Variants in PRMT2 observed in about 807,000 individuals in gnomAD.
PRMT2 encodes protein arginine methyltransferase 2.
In PRMT2, 26 loss-of-function variants were observed where a neutral mutation model predicts 57.6. The ratio of observed to expected loss-of-function variants is 0.45; its 90% confidence interval spans 0.33 to 0.63. The LOEUF (loss-of-function observed/expected upper bound fraction) is 0.63, where lower values mean the gene tolerates loss of function less well. PRMT2 is among the 20% of genes least tolerant of loss of function. The pLI is 0.02. For missense variants in PRMT2, 472 were observed against 564.4 expected (o/e 0.84, Z 1.66); for synonymous variants, 219 against 220.0 (o/e 1.00, Z 0.04).
intron 10 of PRMT2, among the ~76,000 whole-genome samples, chr21:46,662,481 G>T (rs115601435): frequency 6.6e-6 from 1 of 152,200 alleles, no homozygotes; most frequent in Non-Finnish European, 1.5e-5. Context: ...CAGGGAGGTC[G>T]CAGAGGTGCG....
chr21:46,662,233 C>T (rs1209867148), intron 10 of PRMT2, among the ~76,000 whole-genome samples: 4 of 152,218 alleles, frequency 2.6e-5, no homozygotes, highest in African/African-American at 9.7e-5. Context: ...GCGAGGAGCA[C>T]CACAGCTCTT....
Position 46,660,940 on chromosome 21 carries a change from C to T in PRMT2, c.938C>T (p.Thr313Ile), listed in dbSNP as rs2061610694. The part of the protein sequence containing the change: ...PCTILQLDMR[T>I]VQISDLETLR... ...ACTATATTGCAGTTGGACATGAGAA[C>T]CGTGCAAATTTCTGATCTAGAGGTG... is the stretch of plus-strand genomic sequence containing the variant. The change falls in exon 9 of 12, where the codon ACC becomes ATC. Residue 313 changes from threonine (T) to isoleucine (I), a missense_variant. Physicochemically the swap from Thr to Ile is moderately conservative, Grantham distance 89. Coordinates refer to ENST00000355680, the MANE Select transcript of PRMT2 (RefSeq NM_206962.4). The T allele has an allele frequency of 2.5e-6, 4 of 1,613,158 alleles. No individual in the cohort carries two copies. Among genetic ancestry groups the T allele is most frequent in the Non-Finnish European group, 3.4e-6 (4 of 1,179,446 alleles).
intron 3 of PRMT2, among the ~76,000 whole-genome samples, chr21:46,641,623 T>G (rs1601917699): frequency 1.3e-5 from 2 of 150,928 alleles, no homozygotes; most frequent in Non-Finnish European, 1.5e-5. Context: ...ACTGGGGAGG[T>G]GGAGGTTGCA....
At chr21:46,659,180 A>G (rs373521592) in intron 8 of PRMT2, 1 of 1,208,076 alleles carries the variant, frequency 8.3e-7, no homozygotes, top group African/African-American at 1.6e-5. Context: ...ATTAGGAGGG[A>G]GTGAGGGCCA....
At chr21:46,653,944 T>TC in intron 7 of PRMT2, 1 of 1,020,494 alleles carries the variant, frequency 9.8e-7, no homozygotes, top group Non-Finnish European at 1.2e-6. Flanking sequence ...TTGTTTTTTT[T>TC]TTTTTTTGGC....
chr21:46,658,660 C>G, intron 7 of PRMT2, 85 bp from the exon 8 acceptor site: 2 of 1,563,926 alleles, frequency 1.3e-6, no homozygotes, highest in Non-Finnish European at 1.7e-6. Context: ...AACTGTCAGA[C>G]TAGTGTTACG....
In PRMT2 at chr21:46,664,451, C is replaced by G. The variant is rs569839476; in HGVS notation, c.*124C>G. The G allele has an allele frequency of 1.6e-6, 2 of 1,252,982 alleles. No individual in the cohort carries two copies. Among genetic ancestry groups the G allele is most frequent in the East Asian group, 2.3e-5 (1 of 42,632 alleles). The allele number at this position is 1,252,982 out of a possible 1,614,324, so 77.6% of individuals were successfully genotyped here. Reference sequence around the variant, plus strand: ...TCGGTGAACATTCACTCCACATTGACCCCTCCCTAGCCTGGCAGGTGACGT... The same window carrying G: ...TCGGTGAACATTCACTCCACATTGAGCCCTCCCTAGCCTGGCAGGTGACGT... On this transcript the variant is annotated 3_prime_UTR_variant, in exon 12 of 12. Coordinates refer to ENST00000355680, the MANE Select transcript of PRMT2 (RefSeq NM_206962.4).
chr21:46,643,984 G>C (rs1049143125), intron 4 of PRMT2, among the ~76,000 whole-genome samples: 12 of 152,200 alleles, frequency 7.9e-5, no homozygotes, highest in African/African-American at 2.7e-4. Flanking sequence ...GAATTTCTTA[G>C]AGTCAGCCTC....
At chr21:46,651,523 G>A (rs1317323581) in intron 7 of PRMT2, among the ~76,000 whole-genome samples, 1 of 152,092 alleles carries the variant, frequency 6.6e-6, no homozygotes, top group African/African-American at 2.4e-5. Context: ...AGTCAGACAG[G>A]ACCATGTGGT....
intron 7 of PRMT2, chr21:46,652,536 T>C: frequency 2.0e-6 from 2 of 985,452 alleles, no homozygotes; most frequent in Non-Finnish European, 2.4e-6. Context: ...AAAGTAACTG[T>C]AATAGTTTTG....
rs751762261 is a variant in PRMT2, at chr21:46,658,900, G to A, written c.810G>A (p.Glu270=). 3.0e-5 allele frequency: 48 copies of A among 1,613,978 alleles called. No homozygotes were observed. Among genetic ancestry groups the A allele is most frequent in the Non-Finnish European group, 4.0e-5 (47 of 1,179,968 alleles). Residue 270 remains glutamate (E), a synonymous_variant, in exon 8 of 12, where the codon GAG becomes GAA. Transcript: ENST00000355680. ...TGCTCTTCTGGGACAACGCGTACGA[G>A]TTCAACCTCAGCGCTCTGAAGTAAG... The part of the protein sequence containing the change: ...SKVLFWDNAY[E]FNLSALKSLA...
intron 7 of PRMT2, chr21:46,653,032 A>G: frequency 8.8e-7 from 1 of 1,139,876 alleles, no homozygotes. Flanking sequence ...AAAGACTGCC[A>G]GACTCAGTCT....
rs576309057 is a variant in PRMT2, at chr21:46,664,202, G to A, written c.1270-93G>A. The A allele has an allele frequency of 1.7e-5, 19 of 1,149,238 alleles. No homozygotes were observed. The Middle Eastern group carries it at 6.0e-4, about 37-fold the overall frequency. The allele number at this position is 1,149,238 out of a possible 1,614,324, so 71.2% of individuals were successfully genotyped here. A position where few individuals can be genotyped will look rare whatever the true frequency, so the allele number is the denominator to read the frequency against. The stretch of plus-strand genomic sequence containing the variant: ...TAAAAAAATTCTGCACCTGAATACT[G>A]TTCTCTTGTCCAATATTAAACCATT... On this transcript the variant is annotated intron_variant, in intron 11 of 11. Transcript: ENST00000355680.
intron 8 of PRMT2, 22 bp downstream of exon 8, chr21:46,658,942 T>C: frequency 2.5e-6 from 4 of 1,602,472 alleles, no homozygotes; most frequent in Non-Finnish European, 3.4e-6. Context: ...CAGCTGGGAC[T>C]GGCACCGTCT....
chr21:46,644,443 G>A lies in PRMT2; in HGVS notation c.282G>A (p.Glu94=). ...AGCACGTGGATGAGTACGACCCCGA[G>A]GACACGTGGCAGGATGAAGAGTACT... is the stretch of plus-strand genomic sequence containing the variant. ...VGKHVDEYDP[E]DTWQDEEYFG... The change falls in exon 5 of 12, where the codon GAG becomes GAA. Residue 94 remains glutamate, a synonymous_variant. Transcript: ENST00000355680. 6.2e-7 allele frequency: 1 copy of A among 1,601,460 alleles called. No homozygotes were observed. The highest frequency in any genetic ancestry group is 8.5e-7 in the Non-Finnish European group (1 of 1,174,564).
intron 3 of PRMT2, among the ~76,000 whole-genome samples, chr21:46,639,064 C>T (rs1054182030): frequency 6.6e-6 from 1 of 152,110 alleles, no homozygotes; most frequent in Admixed American, 6.5e-5. Context: ...CATTTTCATT[C>T]TTCAAAATAT....
rs781709116 is a variant in PRMT2, at chr21:46,636,922, A to C, written c.-30A>C. ...AATGGAAAAGAAAATGAAATAAATC[A>C]GCAGTTATGAGGCAGAGCCTAAGAG... On this transcript the variant is annotated 5_prime_UTR_variant, in exon 3 of 12. Transcript: ENST00000355680. The C allele has an allele frequency of 6.2e-7, 1 of 1,601,186 alleles. No homozygotes were observed. The highest frequency in any genetic ancestry group is 8.5e-7 in the Non-Finnish European group (1 of 1,174,432).
chr21:46,644,914 T>TA (rs541385831), intron 5 of PRMT2, among the ~76,000 whole-genome samples: 29 of 150,728 alleles, frequency 1.9e-4, no homozygotes, highest in Admixed American at 1.2e-3. Flanking sequence ...CCTCAGTATT[T>TA]AAAAAAAAAG....
In PRMT2 at chr21:46,637,397, C is replaced by T. The variant is rs183857607; in HGVS notation, c.39+407C>T. Among the ~76,000 whole-genome samples, 533 of 152,232 alleles carry T rather than the reference C, an allele frequency of 3.5e-3. 4 individuals carry two copies. The highest frequency in any genetic ancestry group is 0.012 in the African/African-American group (500 of 41,528). The stretch of plus-strand genomic sequence containing the variant: ...TCTGCCTGGGGTACTCATGTAGTTT[C>T]GTTCAAGTTAGCAGTAAAAAATACC... On this transcript the variant is annotated intron_variant, in intron 3 of 11. Transcript: ENST00000355680.
Sources: allele counts gnomAD v4.1 joint callset (sites outside exome capture counted in the v4.1 genomes callset), GRCh38; gene constraint gnomAD v4.1.1; transcripts MANE v1.5; gene names NCBI Gene and HGNC (gene_info 2026-07-23, HGNC 2026-07-21).